The following GLIS3 variants were observed in gnomAD, a reference collection of about 807,000 sequenced individuals.
GLIS3 encodes the protein zinc finger protein GLIS3.
A neutral mutation model predicts 78.6 loss-of-function variants in GLIS3; 53 were observed. That is an observed-to-expected ratio of 0.67 (90% CI 0.54 to 0.85). GLIS3 has a LOEUF of 0.85. Ranked by LOEUF, GLIS3 falls within the 40% of genes least tolerant of loss-of-function variation. The pLI, the probability that GLIS3 is intolerant of heterozygous loss-of-function variation, is 0.00. For synonymous variants in GLIS3, 684 were observed against 509.9 expected, an observed-to-expected ratio of 1.34 and a Z score of -4.60; for missense variants, 1,703 against 1,231.1, an observed-to-expected ratio of 1.38 and a Z score of -5.74.
intron 2 of GLIS3, among the ~76,000 whole-genome samples, chr9:4,159,302 C>T (rs756712152): frequency 2.6e-5 from 4 of 152,212 alleles, no homozygotes; most frequent in Non-Finnish European, 4.4e-5. Context: ...TGTACAATCT[C>T]TGCCTTGTCT....
intron 2 of GLIS3, among the ~76,000 whole-genome samples, chr9:4,257,701 G>A (rs1430764115): frequency 6.6e-6 from 1 of 151,778 alleles, no homozygotes; most frequent in Non-Finnish European, 1.5e-5. Flanking sequence ...AGCCTCCCAA[G>A]TAGCTGGGAC....
chr9:4,324,984 T>C (rs977309518), intron 2 of GLIS3, among the ~76,000 whole-genome samples: 1 of 152,224 alleles, frequency 6.6e-6, no homozygotes, highest in Non-Finnish European at 1.5e-5. Context: ...AATAGTTCCA[T>C]TTAATCCTCA....
chr9:4,287,692 G>C (rs760004379), intron 1 of GLIS3, among the ~76,000 whole-genome samples: 1 of 152,024 alleles, frequency 6.6e-6, no homozygotes, highest in South Asian at 2.1e-4. Context: ...TCAAAGTGTT[G>C]AACAAACATT....
chr9:4,406,007 G>A, the GLIS3 span, among the ~76,000 whole-genome samples: 1 of 152,154 alleles, frequency 6.6e-6, no homozygotes, highest in African/African-American at 2.4e-5. Context: ...ATTTGATAAA[G>A]TTTAACATCT....
rs1171529194 is a variant in GLIS3, at chr9:3,824,683, G to A, written c.*3589C>T. Reference sequence around the variant, plus strand: ...ACAATAAGCACCAGATGTGCCTCTAGAGTAAAATCGGCCCCATATCCAGTA... The same window carrying A: ...ACAATAAGCACCAGATGTGCCTCTAAAGTAAAATCGGCCCCATATCCAGTA... On this transcript the variant is annotated 3_prime_UTR_variant, in exon 11 of 11. Transcript: ENST00000381971. 1.3e-5 allele frequency: 2 copies of A among 152,530 alleles called. No homozygotes were observed. The highest frequency in any genetic ancestry group is 4.8e-5 in the African/African-American group (2 of 41,420). The allele number at this position is 152,530 out of a possible 1,614,324, so 9.4% of individuals were successfully genotyped here.
chr9:4,223,368 G>T (rs1446865983), intron 2 of GLIS3, among the ~76,000 whole-genome samples: 1 of 152,108 alleles, frequency 6.6e-6, no homozygotes, highest in Non-Finnish European at 1.5e-5. Context: ...TACATTCTAC[G>T]ATTCACTCCC....
At chr9:4,123,159 T>G (rs746994774) in intron 3 of GLIS3, among the ~76,000 whole-genome samples, 7 of 152,152 alleles carry the variant, frequency 4.6e-5, no homozygotes, top group Non-Finnish European at 8.8e-5. Context: ...GATTTATTTA[T>G]GAAAACTTTA....
chr9:4,026,258 TAGAC>T (rs1159737457), intron 4 of GLIS3, among the ~76,000 whole-genome samples: 4 of 152,232 alleles, frequency 2.6e-5, no homozygotes, highest in African/African-American at 7.2e-5. Context: ...ACAGTGTCAT[TAGAC>T]AGACTACAGA....
At chr9:4,148,368 C>T (rs1462194568) in intron 2 of GLIS3, among the ~76,000 whole-genome samples, 4 of 152,076 alleles carry the variant, frequency 2.6e-5, no homozygotes, top group African/African-American at 9.7e-5. Context: ...ATCCCCACGT[C>T]CCCATACTCT....
upstream of GLIS3, among the ~76,000 whole-genome samples, chr9:4,304,236 T>C (rs529758992): frequency 3.3e-5 from 5 of 152,352 alleles, no homozygotes; most frequent in East Asian, 3.9e-4. Context: ...ACTGCAAGTA[T>C]ACAAAGTACA....
chr9:3,873,736 G>T (rs1026776168), intron 8 of GLIS3, among the ~76,000 whole-genome samples: 1 of 152,046 alleles, frequency 6.6e-6, no homozygotes, highest in Non-Finnish European at 1.5e-5. Context: ...GGCCTAGAAA[G>T]ATCATACATG....
chr9:3,940,171 AC>A (rs1450489528), intron 4 of GLIS3, among the ~76,000 whole-genome samples: 1 of 152,250 alleles, frequency 6.6e-6, no homozygotes, highest in African/African-American at 2.4e-5. Flanking sequence ...CAAATGCATT[AC>A]AAATAAAACA....
At chr9:4,084,256 A>ACACACACACACACACACAC (rs1828812518) in intron 4 of GLIS3, among the ~76,000 whole-genome samples, 13 of 132,114 alleles carry the variant, frequency 9.8e-5, no homozygotes, top group Non-Finnish European at 1.3e-4. Flanking sequence ...TCCTCTCTCT[A>ACACACACACACACACACAC]ACACACACAC....
At chr9:4,181,063 C>A (rs567705299) in intron 2 of GLIS3, among the ~76,000 whole-genome samples, 2 of 152,348 alleles carry the variant, frequency 1.3e-5, no homozygotes, top group Admixed American at 6.5e-5. Context: ...CTTCCAGGCA[C>A]AGGCATGTCA....
chr9:4,274,169 T>A (rs1185311256), intron 2 of GLIS3, among the ~76,000 whole-genome samples: 1 of 152,008 alleles, frequency 6.6e-6, no homozygotes, highest in East Asian at 1.9e-4. Flanking sequence ...GGACAATGGG[T>A]CTTGGCCCCA....
intron 4 of GLIS3, among the ~76,000 whole-genome samples, chr9:4,066,719 G>T (rs1317790836): frequency 6.6e-6 from 1 of 152,192 alleles, no homozygotes; most frequent in Non-Finnish European, 1.5e-5. Flanking sequence ...AGAAATATTA[G>T]GCTTTGCCAA....
chr9:4,433,466 C>T, the GLIS3 span, among the ~76,000 whole-genome samples: 1 of 152,046 alleles, frequency 6.6e-6, no homozygotes, highest in East Asian at 1.9e-4. Context: ...ATAAAATGAG[C>T]TTTCATAGGA....
intron 4 of GLIS3, among the ~76,000 whole-genome samples, chr9:4,111,805 T>C (rs1159308512): frequency 6.6e-6 from 1 of 152,246 alleles, no homozygotes; most frequent in Non-Finnish European, 1.5e-5. Flanking sequence ...CCTTGTGGGA[T>C]ATGACTTGGA....
At chr9:4,021,308 G>T (rs1366225559) in intron 4 of GLIS3, among the ~76,000 whole-genome samples, 1 of 152,158 alleles carries the variant, frequency 6.6e-6, no homozygotes, top group Non-Finnish European at 1.5e-5. Flanking sequence ...ATTTTTAAAT[G>T]ATTTATAACA....
Sources: gnomAD v4.1 joint callset for allele counts (sites outside exome capture counted in the v4.1 genomes callset) on GRCh38, gnomAD v4.1.1 for gene constraint, MANE v1.5 for transcripts, NCBI Gene and HGNC (gene_info 2026-07-23, HGNC 2026-07-21) for gene names.